TRAPPC10: variants seen among roughly 807,000 people sequenced by gnomAD.
The protein encoded by TRAPPC10 is trafficking protein particle complex subunit 10.
TRAPPC10 carries 23 observed loss-of-function variants against 125.5 expected under a neutral mutation model. That is an observed-to-expected ratio of 0.18 (90% CI 0.13 to 0.26). The LOEUF is 0.26. TRAPPC10 is among the 10% of genes least tolerant of loss of function. The pLI, the probability that TRAPPC10 is intolerant of heterozygous loss-of-function variation, is 1.00. For synonymous variants in TRAPPC10, 509 were observed against 518.0 expected, an observed-to-expected ratio of 0.98 and a Z score of 0.24; for missense variants, 1,123 against 1,308.4, an observed-to-expected ratio of 0.86 and a Z score of 2.19.
At chr21:44,027,622 G>C (rs1411733522) in intron 1 of TRAPPC10, among the ~76,000 whole-genome samples, 3 of 152,198 alleles carry the variant, frequency 2.0e-5, no homozygotes, top group African/African-American at 7.2e-5. Flanking sequence ...TGATGTCTTG[G>C]TTTCCATATG....
intron 5 of TRAPPC10, among the ~76,000 whole-genome samples, chr21:44,058,507 C>T (rs1455389028): frequency 5.3e-5 from 8 of 152,154 alleles, no homozygotes; most frequent in African/African-American, 7.2e-5. Flanking sequence ...TGGGGAAGAC[C>T]GTGGGTGGAG....
chr21:44,012,650 C>T, intron 1 of TRAPPC10, 90 bp downstream of exon 1: 1 of 1,207,106 alleles, frequency 8.3e-7, no homozygotes, highest in Non-Finnish European at 1.2e-6. Context: ...ACCTTCAGCC[C>T]CCGGCGCGCT....
chr21:44,016,925 G>C (rs1184159498), intron 1 of TRAPPC10, among the ~76,000 whole-genome samples: 1 of 152,170 alleles, frequency 6.6e-6, no homozygotes, highest in Non-Finnish European at 1.5e-5. Flanking sequence ...AAAGTGCTGG[G>C]ATTATAGGCA....
chr21:44,016,936 T>C (rs573881497), intron 1 of TRAPPC10, among the ~76,000 whole-genome samples: 34 of 152,366 alleles, frequency 2.2e-4, no homozygotes, highest in African/African-American at 8.2e-4. Flanking sequence ...ATTATAGGCA[T>C]GAGCCACCGC....
chr21:44,018,569 C>T (rs750567258), intron 1 of TRAPPC10, among the ~76,000 whole-genome samples: 18 of 151,594 alleles, frequency 1.2e-4, no homozygotes, highest in Non-Finnish European at 7.4e-5. Flanking sequence ...CGTGGTGGCT[C>T]GCGTCTGTAG....
In TRAPPC10 at chr21:44,063,472, T is replaced by C. The variant is rs990458418; in HGVS notation, c.791-66T>C. 1 of 1,578,902 alleles carries C rather than the reference T, an allele frequency of 6.3e-7. No homozygotes were observed. The highest frequency in any genetic ancestry group is 1.3e-5 in the African/African-American group (1 of 74,464). ...GCCTGTTTGCCCACCATCCTCAGCC[T>C]GAGCAGGAAGCTCAGGAAGGTGAAG... On this transcript the variant is annotated intron_variant, in intron 6 of 22. Transcript: ENST00000291574. The surrounding 1 kb of genome is among the most constrained non-coding windows in gnomAD (Gnocchi z 4.4).
At chr21:44,020,190 G>A (rs770239516) in intron 1 of TRAPPC10, among the ~76,000 whole-genome samples, 4 of 149,962 alleles carry the variant, frequency 2.7e-5, no homozygotes, top group Non-Finnish European at 4.4e-5. Flanking sequence ...GCGTGATCTC[G>A]GCTTACTGCA....
intron 14 of TRAPPC10, 103 bp from the exon 15 acceptor site, chr21:44,084,019 A>T: frequency 7.4e-7 from 1 of 1,355,738 alleles, no homozygotes; most frequent in Admixed American, 2.0e-5. Context: ...AAAGAAGTAC[A>T]GGCCTTTCTG....
intron 15 of TRAPPC10, among the ~76,000 whole-genome samples, chr21:44,086,567 C>T (rs1398343607): frequency 6.6e-6 from 1 of 152,154 alleles, no homozygotes; most frequent in Non-Finnish European, 1.5e-5. Flanking sequence ...TATAAGACTC[C>T]TTGACTCACA....
At chr21:44,029,451 A>G (rs2033380569) in intron 1 of TRAPPC10, among the ~76,000 whole-genome samples, 1 of 152,188 alleles carries the variant, frequency 6.6e-6, no homozygotes, top group Non-Finnish European at 1.5e-5. Context: ...AGGCATCTCT[A>G]ATTTCATAAG....
chr21:44,084,170 G>T lies in TRAPPC10; in HGVS notation c.2287G>T (p.Gly763Cys). Residue 763 changes from glycine to cysteine, a missense_variant, in exon 15 of 23, where the codon GGC (glycine) becomes TGC (cysteine). Gly to Cys is a radical substitution (Grantham distance 159, BLOSUM62 -3). This residue lies in a region of TRAPPC10 where 840 missense variants were observed against 902.0 expected (regional missense o/e 0.93). Transcript: ENST00000291574. Reference protein sequence around the residue: ...YTLRQLCASVGSVWFVLPHIY... With the variant: ...YTLRQLCASVCSVWFVLPHIY... ...ACTCAGGCAGCTGTGCGCCTCGGTG[G>T]GCTCCGTGTGGTTCGTCCTCCCTCA... 6.2e-7 allele frequency: 1 copy of T among 1,614,192 alleles called. No individual in the cohort carries two copies. Among genetic ancestry groups the T allele is most frequent in the South Asian group, 1.1e-5 (1 of 91,078 alleles).
Position 44,087,686 on chromosome 21 carries a change from C to T in TRAPPC10, c.2540-13C>T. The T allele has an allele frequency of 2.5e-6, 4 of 1,610,768 alleles. No homozygotes were observed. The Middle Eastern group carries it at 5.0e-4, about 199-fold the overall frequency. ...GGGAACAGCTTTGAAGTGACTTTTT[C>T]TGTCCTTCGTAGAACAGTCTTCTGA... On this transcript the variant is annotated splice_polypyrimidine_tract_variant and intron_variant, in intron 16 of 22. Transcript: ENST00000291574. The surrounding 1 kb of genome is among the most constrained non-coding windows in gnomAD (Gnocchi z 4.6).
intron 10 of TRAPPC10, 61 bp from the exon 11 acceptor site, chr21:44,077,632 A>G (rs2037382928): frequency 8.0e-7 from 1 of 1,255,012 alleles, no homozygotes; most frequent in Admixed American, 1.8e-5. Context: ...AGGTGAATAA[A>G]TGTAGTATTT....
At chr21:44,075,824 C>T (rs548110567) in intron 9 of TRAPPC10, among the ~76,000 whole-genome samples, 17 of 152,102 alleles carry the variant, frequency 1.1e-4, no homozygotes, top group African/African-American at 3.4e-4. Flanking sequence ...CCGAGGTGGG[C>T]GGATCACCTG....
chr21:44,022,165 G>A (rs2032581035), intron 1 of TRAPPC10, among the ~76,000 whole-genome samples: 1 of 151,432 alleles, frequency 6.6e-6, no homozygotes, highest in African/African-American at 2.4e-5. Flanking sequence ...CTGGAGTGCA[G>A]TGGCACAATC....
intron 1 of TRAPPC10, among the ~76,000 whole-genome samples, chr21:44,028,231 C>T (rs1317067973): frequency 6.6e-6 from 1 of 152,228 alleles, no homozygotes; most frequent in Non-Finnish European, 1.5e-5. Context: ...AATCTGATTG[C>T]ATGTAACAGA....
At chr21:44,029,618 C>T (rs771097827) in intron 1 of TRAPPC10, among the ~76,000 whole-genome samples, 17 of 152,194 alleles carry the variant, frequency 1.1e-4, no homozygotes, top group Non-Finnish European at 2.1e-4. Flanking sequence ...GCTAGGGCTG[C>T]CGCCACAGAG....
intron 2 of TRAPPC10, among the ~76,000 whole-genome samples, chr21:44,033,344 T>C (rs2033735369): frequency 6.6e-6 from 1 of 152,188 alleles, no homozygotes; most frequent in Non-Finnish European, 1.5e-5. Context: ...ATTTCTGTGC[T>C]GATTATAGTG....
intron 3 of TRAPPC10, among the ~76,000 whole-genome samples, chr21:44,050,540 C>T (rs1014540961): frequency 6.6e-6 from 1 of 152,172 alleles, no homozygotes; most frequent in Admixed American, 6.5e-5. Flanking sequence ...TTGGCAGTCA[C>T]AGGCTCTGGG....
Sources: gnomAD v4.1 joint callset for allele counts (sites outside exome capture counted in the v4.1 genomes callset) on GRCh38, gnomAD v4.1.1 for gene constraint, gnomAD v4.1.1 regional missense constraint, Gnocchi (gnomAD v3.1) non-coding constraint, MANE v1.5 for transcripts, NCBI Gene and HGNC (gene_info 2026-07-23, HGNC 2026-07-21) for gene names.